Variants in TTC28 observed in about 807,000 individuals in gnomAD.
The protein encoded by TTC28 is tetratricopeptide repeat domain 28.
Under a neutral mutation model 198.0 loss-of-function variants are expected in TTC28, and 61 were observed. That is an observed-to-expected ratio of 0.31 (90% CI 0.25 to 0.38). The LOEUF is 0.38. TTC28 is among the 10% of genes least tolerant of loss of function. The pLI, the probability that TTC28 is intolerant of heterozygous loss-of-function variation, is 1.00. For missense variants in TTC28, 2,678 were observed against 3,164.0 expected, an observed-to-expected ratio of 0.85 and a Z score of 3.69; for synonymous variants, 1,171 against 1,297.8, an observed-to-expected ratio of 0.90 and a Z score of 2.10.
chr22:28,217,665 C>T (rs990936063), intron 5 of TTC28, among the ~76,000 whole-genome samples: 6 of 152,290 alleles, frequency 3.9e-5, no homozygotes, highest in African/African-American at 1.4e-4. Flanking sequence ...CAGTATAATG[C>T]ATCAGTTCTA....
intron 1 of TTC28, among the ~76,000 whole-genome samples, chr22:28,647,996 G>A (rs552860374): frequency 8.6e-5 from 13 of 151,644 alleles, no homozygotes; most frequent in East Asian, 3.9e-4. Context: ...AGGCCGAGGC[G>A]GGCGGATCAT....
chr22:28,496,302 C>T (rs983931750), intron 2 of TTC28, among the ~76,000 whole-genome samples: 4 of 152,030 alleles, frequency 2.6e-5, no homozygotes, highest in Admixed American at 2.6e-4. Flanking sequence ...TATATCCGAC[C>T]TCTCCCCTTA....
intron 5 of TTC28, among the ~76,000 whole-genome samples, chr22:28,272,564 T>C (rs1232356967): frequency 1.3e-5 from 2 of 152,206 alleles, no homozygotes; most frequent in East Asian, 1.9e-4. Context: ...AATCAAAATA[T>C]TCATAAAAAT....
chr22:28,673,891 G>A (rs1285874820), intron 1 of TTC28, among the ~76,000 whole-genome samples: 1 of 152,018 alleles, frequency 6.6e-6, no homozygotes, highest in East Asian at 1.9e-4. Context: ...TCAAACATCA[G>A]GCTTCCCGCT....
chr22:28,272,774 C>T (rs1425893984), intron 5 of TTC28, among the ~76,000 whole-genome samples: 1 of 152,152 alleles, frequency 6.6e-6, no homozygotes, highest in East Asian at 1.9e-4. Flanking sequence ...CAGCAATCCC[C>T]AGGACTAGGG....
intron 2 of TTC28, among the ~76,000 whole-genome samples, chr22:28,422,435 T>C (rs2047270888): frequency 6.6e-6 from 1 of 151,990 alleles, no homozygotes; most frequent in South Asian, 2.1e-4. Context: ...TTAATAACAT[T>C]AAATAATTTT....
At chr22:28,125,921 T>A (rs1942902863) in intron 6 of TTC28, among the ~76,000 whole-genome samples, 1 of 152,028 alleles carries the variant, frequency 6.6e-6, no homozygotes, top group African/African-American at 2.4e-5. Flanking sequence ...GTGAAAAAAA[T>A]ACTACTCTGG....
chr22:28,087,205 C>CA (rs1016297422), intron 12 of TTC28, among the ~76,000 whole-genome samples: 4 of 151,790 alleles, frequency 2.6e-5, no homozygotes, highest in East Asian at 3.9e-4. Flanking sequence ...AGAGACAAAA[C>CA]AAAAAAAGAG....
At chr22:28,336,686 T>C (rs1255311226) in intron 2 of TTC28, among the ~76,000 whole-genome samples, 2 of 152,188 alleles carry the variant, frequency 1.3e-5, no homozygotes, top group Non-Finnish European at 2.9e-5. Context: ...GGTGGTGATA[T>C]CCGCTTTATC....
At chr22:28,631,001 C>T (rs1327693076) in intron 1 of TTC28, among the ~76,000 whole-genome samples, 1 of 152,108 alleles carries the variant, frequency 6.6e-6, no homozygotes, top group Non-Finnish European at 1.5e-5. Flanking sequence ...CACCTGTAGT[C>T]CCAGCTACTC....
At chr22:28,649,258 T>C (rs1048886259) in intron 1 of TTC28, among the ~76,000 whole-genome samples, 1 of 152,154 alleles carries the variant, frequency 6.6e-6, no homozygotes, top group African/African-American at 2.4e-5. Flanking sequence ...ATATTGGATA[T>C]TGGGTACAAT....
chr22:28,362,536 C>T (rs769614371), intron 2 of TTC28, among the ~76,000 whole-genome samples: 1 of 152,108 alleles, frequency 6.6e-6, no homozygotes, highest in African/African-American at 2.4e-5. Flanking sequence ...GTGGAAGTGA[C>T]TTTAGAACTG....
At chr22:28,015,262 C>T (rs937941678) in intron 13 of TTC28, among the ~76,000 whole-genome samples, 1 of 152,136 alleles carries the variant, frequency 6.6e-6, no homozygotes, top group Non-Finnish European at 1.5e-5. Context: ...AATGCAGCAA[C>T]AAGGCTGCCC....
intron 2 of TTC28, among the ~76,000 whole-genome samples, chr22:28,374,367 T>C (rs1427619094): frequency 6.6e-6 from 1 of 152,218 alleles, no homozygotes; most frequent in African/African-American, 2.4e-5. Flanking sequence ...TACCTATATA[T>C]TGAATGCTCG....
intron 2 of TTC28, among the ~76,000 whole-genome samples, chr22:28,625,055 G>A (rs2051057606): frequency 6.6e-6 from 1 of 152,014 alleles, no homozygotes; most frequent in Non-Finnish European, 1.5e-5. Flanking sequence ...ACTCATAATA[G>A]AAATTAAAGG....
chr22:28,426,877 T>C (rs2047358695), intron 2 of TTC28, among the ~76,000 whole-genome samples: 2 of 152,234 alleles, frequency 1.3e-5, no homozygotes, highest in Non-Finnish European at 2.9e-5. Flanking sequence ...CAGTTCACAC[T>C]ATCACAGGCA....
At chr22:28,216,097 G>A (rs1927377865) in intron 5 of TTC28, among the ~76,000 whole-genome samples, 1 of 152,172 alleles carries the variant, frequency 6.6e-6, no homozygotes, top group Non-Finnish European at 1.5e-5. Flanking sequence ...TGCACTTTGG[G>A]TCACTCACTG....
chr22:28,310,054 A>C (rs1381942148), intron 2 of TTC28, among the ~76,000 whole-genome samples: 1 of 151,926 alleles, frequency 6.6e-6, no homozygotes, highest in African/African-American at 2.4e-5. Context: ...AGATAACTGG[A>C]TTACAAGAAT....
intron 1 of TTC28, among the ~76,000 whole-genome samples, chr22:28,649,079 G>A (rs528804003): frequency 6.6e-6 from 1 of 152,308 alleles, no homozygotes; most frequent in African/African-American, 2.4e-5. Context: ...ATTATTCTAA[G>A]TGAAGATGAT....
Sources: gnomAD v4.1 joint callset for allele counts (sites outside exome capture counted in the v4.1 genomes callset) on GRCh38, gnomAD v4.1.1 for gene constraint, MANE v1.5 for transcripts, NCBI Gene and HGNC (gene_info 2026-07-23, HGNC 2026-07-21) for gene names.